The following RAB8B variants were observed in gnomAD, a reference collection of about 807,000 sequenced individuals.
The protein encoded by RAB8B is RAB8B, member RAS oncogene family.
Under a neutral mutation model 32.0 loss-of-function variants are expected in RAB8B, and 11 were observed. That is an observed-to-expected ratio of 0.34 (90% CI 0.22 to 0.57). RAB8B has a LOEUF of 0.57. Among genes scored for constraint, RAB8B ranks in the 20% least tolerant of loss-of-function variants. The pLI, the probability that RAB8B is intolerant of heterozygous loss-of-function variation, is 0.86. For missense variants in RAB8B, 190 were observed against 258.5 expected (o/e 0.73, Z 1.82); for synonymous variants, 103 against 89.6 (o/e 1.15, Z -0.85).
chr15:63,212,594 A>G (rs1410465470), intron 1 of RAB8B, among the ~76,000 whole-genome samples: 2 of 152,218 alleles, frequency 1.3e-5, no homozygotes, highest in Non-Finnish European at 2.9e-5. Context: ...ATAACTAGAT[A>G]GGGGAAAGGA....
chr15:63,190,527 G>A (rs1352028777), intron 1 of RAB8B, among the ~76,000 whole-genome samples: 1 of 152,174 alleles, frequency 6.6e-6, no homozygotes, highest in Non-Finnish European at 1.5e-5. Context: ...ATGGAAAGTA[G>A]TGGGGCGCAA....
At chr15:63,215,815 T>C (rs1306262691) in intron 1 of RAB8B, among the ~76,000 whole-genome samples, 2 of 152,096 alleles carry the variant, frequency 1.3e-5, no homozygotes, top group African/African-American at 4.8e-5. Context: ...GGCAGGATGA[T>C]TGTTTGACCC....
intron 1 of RAB8B, among the ~76,000 whole-genome samples, chr15:63,208,893 A>ATTT (rs58629991): frequency 8.2e-5 from 11 of 133,494 alleles, no homozygotes; most frequent in South Asian, 2.4e-4. Context: ...TCCCACGATA[A>ATTT]TTTTTTTTTT....
intron 1 of RAB8B, among the ~76,000 whole-genome samples, chr15:63,209,643 G>A (rs2037731057): frequency 6.6e-6 from 1 of 152,046 alleles, no homozygotes; most frequent in South Asian, 2.1e-4. Flanking sequence ...GTCATTTTCT[G>A]GGGAAGGGAG....
At chr15:63,227,432 G>T (rs2037898205) in intron 1 of RAB8B, among the ~76,000 whole-genome samples, 1 of 151,974 alleles carries the variant, frequency 6.6e-6, no homozygotes. Context: ...TGTTTTTCGT[G>T]TTAGTAACTT....
intron 1 of RAB8B, among the ~76,000 whole-genome samples, chr15:63,241,330 CAGA>C (rs2038030299): frequency 6.6e-6 from 1 of 152,184 alleles, no homozygotes; most frequent in African/African-American, 2.4e-5. Flanking sequence ...GCCTGCACAA[CAGA>C]AGGAGACCCA....
At chr15:63,224,707 C>G (rs2037874404) in intron 1 of RAB8B, among the ~76,000 whole-genome samples, 1 of 152,182 alleles carries the variant, frequency 6.6e-6, no homozygotes, top group African/African-American at 2.4e-5. Flanking sequence ...TTCAGGTCCA[C>G]CAAGAATGGA....
At chr15:63,211,586 G>T (rs1347392987) in intron 1 of RAB8B, among the ~76,000 whole-genome samples, 1 of 152,114 alleles carries the variant, frequency 6.6e-6, no homozygotes, top group African/African-American at 2.4e-5. Flanking sequence ...TTCTTTAAAT[G>T]TATCTTCTTA....
At chr15:63,197,348 T>C (rs934878612) in intron 1 of RAB8B, among the ~76,000 whole-genome samples, 15 of 139,590 alleles carry the variant, frequency 1.1e-4, no homozygotes, top group African/African-American at 4.2e-4. Flanking sequence ...TTTTTTTTTT[T>C]CTTTCTTTCT....
chr15:63,217,851 T>C (rs556382557), intron 1 of RAB8B, among the ~76,000 whole-genome samples: 1 of 152,344 alleles, frequency 6.6e-6, no homozygotes, highest in East Asian at 1.9e-4. Flanking sequence ...ACTCTCACTT[T>C]AAAATTATTC....
intron 1 of RAB8B, among the ~76,000 whole-genome samples, chr15:63,208,251 T>G (rs1423807422): frequency 6.6e-6 from 1 of 152,178 alleles, no homozygotes; most frequent in Non-Finnish European, 1.5e-5. Flanking sequence ...CTGTGCTGGG[T>G]GGACTGTGGC....
rs2152587011 is a variant in RAB8B at position 63,266,108 on chromosome 15, T to C, written c.*2489T>C. ...AGATGAATTTAATGACAGATAATTG[T>C]CTGTTCCCCGCTGAAACTGAAGAAA... On this transcript the variant is annotated 3_prime_UTR_variant, in exon 8 of 8. Transcript: ENST00000321437. The C allele has an allele frequency of 6.6e-6, 1 of 152,634 alleles. No homozygotes were observed. Among genetic ancestry groups the C allele is most frequent in the East Asian group, 1.9e-4 (1 of 5,202 alleles). The allele number at this position is 152,634 out of a possible 1,614,324, so 9.5% of individuals were successfully genotyped here.
intron 5 of RAB8B, 140 bp downstream of exon 5, chr15:63,256,734 A>G: frequency 1.6e-6 from 1 of 643,094 alleles, no homozygotes; most frequent in Admixed American, 3.4e-5. Context: ...AAGAGATGTA[A>G]TCCATACTTG....
chr15:63,249,846 T>G, intron 3 of RAB8B, 141 bp downstream of exon 3: 1 of 935,832 alleles, frequency 1.1e-6, no homozygotes, highest in South Asian at 1.7e-5. Context: ...ATTTAAAAGG[T>G]TTTTTGGGGG....
chr15:63,225,320 A>G (rs377157473), intron 1 of RAB8B, among the ~76,000 whole-genome samples: 6 of 152,224 alleles, frequency 3.9e-5, no homozygotes, highest in African/African-American at 1.4e-4. Context: ...GACCAGGACT[A>G]TAGTTTATTT....
chr15:63,202,056 A>G (rs2037655802), intron 1 of RAB8B, among the ~76,000 whole-genome samples: 1 of 147,352 alleles, frequency 6.8e-6, no homozygotes, highest in Admixed American at 6.8e-5. Flanking sequence ...GATCGAGACC[A>G]TCCTGGCTAA....
At chr15:63,250,618 G>C (rs2038110005) in intron 3 of RAB8B, among the ~76,000 whole-genome samples, 1 of 152,018 alleles carries the variant, frequency 6.6e-6, no homozygotes, top group Non-Finnish European at 1.5e-5. Flanking sequence ...GCAGTGTGAT[G>C]CTGGGAGTGC....
In RAB8B at chr15:63,263,764, G is replaced by C; in HGVS notation, c.*145G>C. ...TAGACCTCTCAACACAGTATGCCAA[G>C]TGGATTCCAGCCTCATGGCCTAGCA... is the stretch of plus-strand genomic sequence containing the variant. On this transcript the variant is annotated 3_prime_UTR_variant, in exon 8 of 8. Transcript: ENST00000321437. The C allele has an allele frequency of 3.5e-6, 2 of 566,414 alleles. No individual in the cohort carries two copies. Among genetic ancestry groups the C allele is most frequent in the South Asian group, 2.7e-5 (1 of 36,544 alleles). 35.1% of individuals were successfully genotyped at this position (566,414 alleles called of 1,614,324 possible).
intron 1 of RAB8B, among the ~76,000 whole-genome samples, chr15:63,238,665 A>G (rs1355044277): frequency 6.6e-6 from 1 of 152,210 alleles, no homozygotes; most frequent in Admixed American, 6.5e-5. Flanking sequence ...GATATATAAT[A>G]GGTATATAAT....
Sources: allele counts gnomAD v4.1 joint callset (sites outside exome capture counted in the v4.1 genomes callset), GRCh38; gene constraint gnomAD v4.1.1; transcripts MANE v1.5; gene names NCBI Gene and HGNC (gene_info 2026-07-23, HGNC 2026-07-21).